Variants in GAK observed in about 807,000 individuals in gnomAD.
The protein encoded by GAK is cyclin-G-associated kinase.
Under a neutral mutation model 143.9 loss-of-function variants are expected in GAK, and 79 were observed. That is an observed-to-expected ratio of 0.55 (90% CI 0.46 to 0.66). GAK has a LOEUF of 0.66. Among genes scored for constraint, GAK ranks in the 30% least tolerant of loss-of-function variants. The pLI is 0.00. For missense variants in GAK, 1,693 were observed against 1,779.7 expected (o/e 0.95, Z 0.88); for synonymous variants, 881 against 765.5 (o/e 1.15, Z -2.49).
chr4:906,645 G>T (rs970951755), intron 4 of GAK, among the ~76,000 whole-genome samples: 1 of 152,114 alleles, frequency 6.6e-6, no homozygotes, highest in Non-Finnish European at 1.5e-5. Flanking sequence ...TGGGGCCTCT[G>T]CATCTTGTGC....
At chr4:881,844 G>A (rs561513589) in intron 15 of GAK, 63 bp downstream of exon 15, 17 of 1,503,158 alleles carry the variant, frequency 1.1e-5, no homozygotes, top group African/African-American at 9.7e-5. Context: ...ACACCACAGC[G>A]GGGGCGGCAG....
intron 11 of GAK, 148 bp from the exon 12 acceptor site, chr4:884,234 C>T (rs139605429): frequency 3.3e-4 from 211 of 643,168 alleles, no homozygotes; most frequent in African/African-American, 3.1e-3. Flanking sequence ...TGTGCACAGG[C>T]GTGTGGGCAG....
intron 13 of GAK, 49 bp downstream of exon 13, chr4:883,266 C>T (rs371073367): frequency 6.9e-5 from 111 of 1,598,608 alleles, no homozygotes; most frequent in Admixed American, 3.9e-4. Context: ...TGCACTGGAG[C>T]GGAAGGAAGC....
chr4:913,210 A>G (rs146733858), intron 2 of GAK, among the ~76,000 whole-genome samples: 8 of 152,360 alleles, frequency 5.3e-5, no homozygotes, highest in African/African-American at 1.9e-4. Context: ...TCTCAGGACA[A>G]AACTGCACAG....
At chr4:864,914 GT>G (rs1249838281) in intron 23 of GAK, among the ~76,000 whole-genome samples, 1 of 152,232 alleles carries the variant, frequency 6.6e-6, no homozygotes, top group East Asian at 1.9e-4. Flanking sequence ...CCAAGTCTGT[GT>G]CCCCACGTAC....
chr4:894,069 C>A, intron 7 of GAK, 60 bp from the exon 8 acceptor site: 1 of 1,479,394 alleles, frequency 6.8e-7, no homozygotes, highest in Admixed American at 2.3e-5. Flanking sequence ...GACGCCTGGG[C>A]CTGCGGGGAG....
At chr4:862,292 C>T (rs761953636) in intron 23 of GAK, among the ~76,000 whole-genome samples, 10 of 152,158 alleles carry the variant, frequency 6.6e-5, no homozygotes, top group Non-Finnish European at 1.2e-4. Context: ...CGCTAAGATC[C>T]GGCTGAGACC....
chr4:903,803 A>C (rs1186107337), intron 5 of GAK, among the ~76,000 whole-genome samples: 1 of 152,004 alleles, frequency 6.6e-6, no homozygotes, highest in East Asian at 1.9e-4. Flanking sequence ...TCCCCACGGA[A>C]ACTGGAGTGA....
rs140781533 is a variant in GAK, at chr4:882,289, C to T, written c.1528-249G>A. Among the ~76,000 whole-genome samples, 887 of 152,372 alleles carry T rather than the reference C, an allele frequency of 5.8e-3. 11 individuals carry two copies. Among genetic ancestry groups the T allele is most frequent in the African/African-American group, 0.02 (837 of 41,590 alleles). ...CAACAGGCTCTGCTGGTGCCCCGTA[C>T]CCCGCAAAAGACCCCTCATGGAAAC... On this transcript the variant is annotated intron_variant, in intron 14 of 27. Transcript: ENST00000314167.
Position 893,591 on chromosome 4 carries a change from C to T in GAK, c.878-102G>A, listed in dbSNP as rs574880853. The stretch of plus-strand genomic sequence containing the variant: ...AGACCACCAGAGGCCACTCCCTCTA[C>T]ACACATCAGTGACGTCAGAAGCAAG... On this transcript the variant is annotated intron_variant, in intron 8 of 27. Coordinates refer to ENST00000314167, the MANE Select transcript of GAK (RefSeq NM_005255.4). 1,175 of 825,694 alleles carry T rather than the reference C, an allele frequency of 1.4e-3. 14 individuals carry two copies. In the African/African-American group the frequency reaches 0.018, roughly 13 times the overall value. The allele number at this position is 825,694 out of a possible 1,614,324, so 51.1% of individuals were successfully genotyped here.
At chr4:861,794 T>A (rs1226018192) in intron 23 of GAK, among the ~76,000 whole-genome samples, 1 of 152,118 alleles carries the variant, frequency 6.6e-6, no homozygotes, top group East Asian at 1.9e-4. Flanking sequence ...CCACTGCCCA[T>A]ACAGAGGAAG....
intron 25 of GAK, chr4:851,371 T>C (rs941287965): frequency 3.3e-5 from 15 of 454,984 alleles, no homozygotes; most frequent in Middle Eastern, 9.8e-4. Context: ...GCTGGGATTA[T>C]AGGCGTGAGC....
At chr4:903,688 G>A (rs952707213) in intron 5 of GAK, among the ~76,000 whole-genome samples, 1 of 126,250 alleles carries the variant, frequency 7.9e-6, no homozygotes, top group Non-Finnish European at 1.7e-5. Flanking sequence ...GGGGCCTATA[G>A]TGACACCACC....
intron 7 of GAK, 67 bp downstream of exon 7, chr4:896,393 C>G: frequency 7.9e-7 from 1 of 1,272,496 alleles, no homozygotes; most frequent in Non-Finnish European, 1.1e-6. Flanking sequence ...GTGCCCGGCC[C>G]ACGCCGCCTC....
chr4:885,867 A>C (rs1164692570), intron 11 of GAK: 3 of 152,254 alleles, frequency 2.0e-5, no homozygotes, highest in African/African-American at 7.2e-5. Flanking sequence ...CCTGGGCTCA[A>C]GCGATCCTCC....
intron 24 of GAK, among the ~76,000 whole-genome samples, chr4:856,627 G>GCTCACCACAGGTGCTCACAC (rs1749324138): frequency 7.0e-6 from 1 of 142,126 alleles, no homozygotes; most frequent in Non-Finnish European, 1.5e-5. Flanking sequence ...GCTCACACCT[G>GCTCACCACAGGTGCTCACAC]CTCACCACAG....
chr4:926,539 C>T (rs768957346), intron 1 of GAK, among the ~76,000 whole-genome samples: 18 of 152,224 alleles, frequency 1.2e-4, no homozygotes, highest in Non-Finnish European at 2.1e-4. Context: ...CTTTCCAGGG[C>T]TACTGTGAGG....
chr4:896,493 G>A lies in GAK; in HGVS notation c.708C>T (p.Ser236=). The A allele has an allele frequency of 6.2e-7, 1 of 1,614,006 alleles. No homozygotes were observed. The highest frequency in any genetic ancestry group is 8.5e-7 in the Non-Finnish European group (1 of 1,179,926). ...CCTGCTTCTCGCCGATCGGGAAGTT[G>A]GAATACAAGTCTATGATTTCTGGTG... ...YRTPEIIDLY[S]NFPIGEKQDI... is the part of the protein sequence containing the mutation. The change falls in exon 7 of 28, where the codon TCC becomes TCT. Residue 236 remains serine (S), a synonymous_variant. Transcript: ENST00000314167.
chr4:895,490 A>G (rs1194703097), intron 7 of GAK, among the ~76,000 whole-genome samples: 1 of 152,192 alleles, frequency 6.6e-6, no homozygotes, highest in Non-Finnish European at 1.5e-5. Flanking sequence ...ACACTCCTCA[A>G]GGGACACAGG....
Sources: allele counts gnomAD v4.1 joint callset (sites outside exome capture counted in the v4.1 genomes callset), GRCh38; gene constraint gnomAD v4.1.1; transcripts MANE v1.5; gene names NCBI Gene and HGNC (gene_info 2026-07-23, HGNC 2026-07-21).